Variants in PLEKHD1 observed in about 807,000 individuals in gnomAD.
PLEKHD1 encodes pleckstrin homology and coiled-coil domain containing D1, also known as pleckstrin homology domain-containing family D member 1.
A neutral mutation model predicts 69.2 loss-of-function variants in PLEKHD1; 51 were observed. The observed-to-expected ratio is 0.74, with a 90% CI of 0.59 to 0.93. The LOEUF is 0.93. Among genes scored for constraint, PLEKHD1 ranks in the 40% least tolerant of loss-of-function variants. The probability of loss-of-function intolerance (pLI) is 0.00; values close to 1 mark genes in which losing one functional copy is unlikely to be tolerated. For missense variants in PLEKHD1, 584 were observed against 641.0 expected (o/e 0.91, Z 0.96); for synonymous variants, 236 against 244.7 (o/e 0.96, Z 0.33).
intron 8 of PLEKHD1, among the ~76,000 whole-genome samples, chr14:69,524,572 T>C (rs1439900119): frequency 6.6e-6 from 1 of 152,116 alleles, no homozygotes; most frequent in Non-Finnish European, 1.5e-5. Context: ...GCTATTACCA[T>C]GGCCTCAGGA....
At chr14:69,522,513 T>C (rs1016857601) in intron 7 of PLEKHD1, 136 bp downstream of exon 7, 2 of 904,148 alleles carry the variant, frequency 2.2e-6, no homozygotes, top group African/African-American at 3.4e-5. Flanking sequence ...CTATCCCAGT[T>C]TGAGTCTGTC....
chr14:69,490,824 G>A (rs1351385416), intron 1 of PLEKHD1, among the ~76,000 whole-genome samples: 1 of 152,088 alleles, frequency 6.6e-6, no homozygotes, highest in Non-Finnish European at 1.5e-5. Flanking sequence ...ACTTCTGAGG[G>A]CAGTCCTTCT....
chr14:69,499,364 C>G (rs1882971155), intron 1 of PLEKHD1, among the ~76,000 whole-genome samples: 1 of 152,202 alleles, frequency 6.6e-6, no homozygotes, highest in African/African-American at 2.4e-5. Context: ...GCCAGCCACT[C>G]TGGGTGTCCC....
At chr14:69,498,052 ATTTTATTTATTTTAT>A (rs1282739137) in intron 1 of PLEKHD1, among the ~76,000 whole-genome samples, 16 of 136,148 alleles carry the variant, frequency 1.2e-4, no homozygotes, top group African/African-American at 4.4e-4. Context: ...ATTTTATTTT[ATTTTATTTATTTTAT>A]TTTATTTTAT....
intron 6 of PLEKHD1, among the ~76,000 whole-genome samples, chr14:69,511,346 T>C (rs1301698961): frequency 6.6e-6 from 1 of 151,868 alleles, no homozygotes; most frequent in Non-Finnish European, 1.5e-5. Context: ...TTAGTAGAGA[T>C]GGAGTTTCAT....
the PLEKHD1 span, among the ~76,000 whole-genome samples, chr14:69,474,498 TGCCCCACCC>T: frequency 1.3e-5 from 2 of 152,232 alleles, no homozygotes; most frequent in African/African-American, 2.4e-5. Context: ...CTGTGACCTG[TGCCCCACCC>T]GCCTTGAGAT....
the PLEKHD1 span, among the ~76,000 whole-genome samples, chr14:69,468,868 A>T: frequency 6.6e-6 from 1 of 152,228 alleles, no homozygotes. Context: ...GGCATGAGCC[A>T]TTGTGCCCCA....
At chr14:69,487,347 TGTAAA>T (rs1329367849) in intron 1 of PLEKHD1, among the ~76,000 whole-genome samples, 13 of 152,242 alleles carry the variant, frequency 8.5e-5, no homozygotes, top group African/African-American at 2.9e-4. Flanking sequence ...GCTTCCCATT[TGTAAA>T]GTAGAGTCTG....
chr14:69,509,431 T>C (rs1883221298), intron 6 of PLEKHD1, among the ~76,000 whole-genome samples: 1 of 152,220 alleles, frequency 6.6e-6, no homozygotes, highest in African/African-American at 2.4e-5. Flanking sequence ...GTCAGTACTG[T>C]AGATTTTCAT....
rs373477361 is a variant in PLEKHD1, at chr14:69,515,105, G to T, written c.556-7178G>T. Among the ~76,000 whole-genome samples the T allele has an allele frequency of 2.1e-4, 32 of 152,286 alleles. No individual in the cohort carries two copies. The South Asian group carries it at 6.4e-3, about 31-fold the overall frequency. On this transcript the variant is annotated intron_variant, in intron 6 of 12. Coordinates refer to ENST00000322564, the MANE Select transcript of PLEKHD1 (RefSeq NM_001161498.2). ...CCCAGCTACATGGAAGGCTGAGGCA[G>T]GAGAATCACTTGAACCCGGGAGGCA...
At position 69,501,830 on chromosome 14, in the gene PLEKHD1, G is replaced by T. The variant is rs539652836; in HGVS notation, c.502+5G>T. ...AGGAAAAGCAGGAGTATTTAGGTTG[G>T]CTGGAGGGGTGGTTCCCTAATGGTA... On this transcript the variant is annotated splice_donor_5th_base_variant and intron_variant, in intron 5 of 12. Coordinates refer to ENST00000322564, the MANE Select transcript of PLEKHD1 (RefSeq NM_001161498.2). 3 of 1,549,384 alleles carry T rather than the reference G, an allele frequency of 1.9e-6. No homozygotes were observed. Among genetic ancestry groups the T allele is most frequent in the East Asian group, 2.4e-5 (1 of 40,884 alleles).
chr14:69,507,980 G>A (rs1392913598), intron 6 of PLEKHD1, among the ~76,000 whole-genome samples: 2 of 152,186 alleles, frequency 1.3e-5, no homozygotes, highest in Non-Finnish European at 2.9e-5. Flanking sequence ...TACAGGCATA[G>A]CCACTGTATC....
chr14:69,527,090 G>A (rs1005876208), intron 10 of PLEKHD1, 98 bp from the exon 11 acceptor site: 12 of 1,385,212 alleles, frequency 8.7e-6, no homozygotes, highest in Admixed American at 2.8e-5. Context: ...TCCCATCCAC[G>A]CCCATTGAGC....
At chr14:69,499,564 A>C (rs749476580) in intron 1 of PLEKHD1, among the ~76,000 whole-genome samples, 10 of 152,204 alleles carry the variant, frequency 6.6e-5, no homozygotes, top group South Asian at 6.2e-4. Context: ...GTTAGACCTG[A>C]GTCCCAGAAG....
At chr14:69,477,664 A>G in the PLEKHD1 span, among the ~76,000 whole-genome samples, 3 of 152,216 alleles carry the variant, frequency 2.0e-5, no homozygotes, top group African/African-American at 7.2e-5. Context: ...TACAGGCCCC[A>G]GGCAAATCTG....
the PLEKHD1 span, among the ~76,000 whole-genome samples, chr14:69,478,249 C>T: frequency 6.6e-6 from 1 of 152,224 alleles, no homozygotes; most frequent in Non-Finnish European, 1.5e-5. Context: ...GGCACCAAGT[C>T]CCTAGGCTGC....
chr14:69,472,773 A>G, the PLEKHD1 span, among the ~76,000 whole-genome samples: 1 of 151,970 alleles, frequency 6.6e-6, no homozygotes, highest in Non-Finnish European at 1.5e-5. Flanking sequence ...GTGTAAGTGC[A>G]CTCTATGGCA....
intron 5 of PLEKHD1, chr14:69,502,106 C>A (rs928364161): frequency 3.6e-6 from 1 of 275,838 alleles, no homozygotes; most frequent in Admixed American, 4.8e-5. Flanking sequence ...GCAGCTCAGC[C>A]TCTCTAAGCC....
intron 6 of PLEKHD1, among the ~76,000 whole-genome samples, chr14:69,521,162 CCAGTGAG>C (rs1883505708): frequency 6.6e-6 from 1 of 152,048 alleles, no homozygotes; most frequent in Non-Finnish European, 1.5e-5. Flanking sequence ...AATAATAATA[CCAGTGAG>C]CAGTGAGCAG....
Sources: allele counts gnomAD v4.1 joint callset (sites outside exome capture counted in the v4.1 genomes callset), GRCh38; gene constraint gnomAD v4.1.1; transcripts MANE v1.5; gene names NCBI Gene and HGNC (gene_info 2026-07-23, HGNC 2026-07-21).